MGAT5: variants seen among roughly 807,000 people sequenced by gnomAD.
The protein encoded by MGAT5 is alpha-1,6-mannosylglycoprotein 6-beta-N-acetylglucosaminyltransferase A.
In MGAT5, 30 loss-of-function variants were observed where a neutral mutation model predicts 94.3. That is an observed-to-expected ratio of 0.32 (90% CI 0.24 to 0.43). The LOEUF (loss-of-function observed/expected upper bound fraction) is 0.43. MGAT5 is among the 20% of genes least tolerant of loss of function. The probability of loss-of-function intolerance (pLI) is 1.00; values close to 1 mark genes in which losing one functional copy is unlikely to be tolerated. For missense variants in MGAT5, 691 were observed against 905.5 expected (o/e 0.76, Z 3.04); for synonymous variants, 310 against 322.9 (o/e 0.96, Z 0.43).
chr2:134,195,283 T>G (rs1679442098), intron 1 of MGAT5, among the ~76,000 whole-genome samples: 2 of 152,226 alleles, frequency 1.3e-5, no homozygotes, highest in South Asian at 4.1e-4. Flanking sequence ...CATAAACAAA[T>G]TTAATACTCC....
chr2:134,376,022 T>C (rs1036125341), intron 10 of MGAT5, among the ~76,000 whole-genome samples: 2 of 152,118 alleles, frequency 1.3e-5, no homozygotes, highest in Admixed American at 1.3e-4. Context: ...AGTAGAGCAA[T>C]GTACAGCCCT....
intron 4 of MGAT5, among the ~76,000 whole-genome samples, chr2:134,322,566 G>A (rs191781861): frequency 2.0e-5 from 3 of 152,268 alleles, no homozygotes; most frequent in Admixed American, 6.5e-5. Context: ...TTAGCTGCAC[G>A]TATGGACCCA....
At chr2:134,199,682 C>T (rs941032088) in intron 1 of MGAT5, among the ~76,000 whole-genome samples, 2 of 152,128 alleles carry the variant, frequency 1.3e-5, no homozygotes, top group Admixed American at 6.5e-5. Context: ...CTTGAATACT[C>T]ATTTTGTGGG....
At chr2:134,184,148 A>C (rs1242509889) in intron 1 of MGAT5, among the ~76,000 whole-genome samples, 2 of 152,182 alleles carry the variant, frequency 1.3e-5, no homozygotes, top group Non-Finnish European at 2.9e-5. Context: ...TGCATTTTCC[A>C]GCCTCTGATG....
chr2:134,407,726 A>T (rs2106314926), intron 11 of MGAT5, among the ~76,000 whole-genome samples: 1 of 152,358 alleles, frequency 6.6e-6, no homozygotes, highest in African/African-American at 2.4e-5. Flanking sequence ...TAACTGTAAC[A>T]ATGTGGAAAG....
At chr2:134,189,620 T>TTTTTTTTTTTTTTTTTTTTTTTTTTTA (rs67734279) in intron 1 of MGAT5, among the ~76,000 whole-genome samples, 1 of 138,282 alleles carries the variant, frequency 7.2e-6, no homozygotes, top group Non-Finnish European at 1.5e-5. Context: ...TTTTTTTTTT[T>TTTTTTTTTTTTTTTTTTTTTTTTTTTA]AAGACAGAGT....
chr2:134,218,207 C>T (rs756596588), intron 1 of MGAT5, among the ~76,000 whole-genome samples: 2 of 152,206 alleles, frequency 1.3e-5, no homozygotes, highest in Admixed American at 6.5e-5. Context: ...TGATGTATCT[C>T]GACTTGTTGC....
intron 2 of MGAT5, among the ~76,000 whole-genome samples, chr2:134,281,365 C>G (rs1168553850): frequency 1.3e-5 from 2 of 152,174 alleles, no homozygotes; most frequent in Non-Finnish European, 2.9e-5. Context: ...ATCGGAAATG[C>G]AGCTGGGTAG....
At chr2:134,440,803 C>G (rs1020003825) in intron 14 of MGAT5, among the ~76,000 whole-genome samples, 2 of 152,138 alleles carry the variant, frequency 1.3e-5, no homozygotes, top group African/African-American at 4.8e-5. Flanking sequence ...ATTTTCACTT[C>G]GCAAATGTGT....
At chr2:134,186,374 T>G (rs1573817082) in intron 1 of MGAT5, among the ~76,000 whole-genome samples, 2 of 150,344 alleles carry the variant, frequency 1.3e-5, no homozygotes, top group Admixed American at 6.6e-5. Context: ...AGCCCTGGAG[T>G]CGTTTCTTTT....
At chr2:134,323,582 G>T (rs1043554998) in intron 4 of MGAT5, among the ~76,000 whole-genome samples, 1 of 152,044 alleles carries the variant, frequency 6.6e-6, no homozygotes, top group African/African-American at 2.4e-5. Flanking sequence ...TGTTCCTGCT[G>T]TCTCCTTTAT....
At chr2:134,403,424 C>T (rs1683166332) in intron 11 of MGAT5, among the ~76,000 whole-genome samples, 1 of 152,180 alleles carries the variant, frequency 6.6e-6, no homozygotes, top group African/African-American at 2.4e-5. Flanking sequence ...AGGTAAAGCC[C>T]TGCCTGGAAG....
intron 2 of MGAT5, among the ~76,000 whole-genome samples, chr2:134,289,056 C>T (rs1685186962): frequency 6.6e-6 from 1 of 152,144 alleles, no homozygotes; most frequent in Admixed American, 6.5e-5. Context: ...TCCCTTGTCT[C>T]TAGGGCCCCA....
chr2:134,241,047 T>G (rs1005265552), intron 1 of MGAT5, among the ~76,000 whole-genome samples: 2 of 152,258 alleles, frequency 1.3e-5, no homozygotes, highest in African/African-American at 4.8e-5. Flanking sequence ...CCAGTTTTAT[T>G]AGTGTAAAGT....
intron 1 of MGAT5, among the ~76,000 whole-genome samples, chr2:134,208,746 A>G (rs1483323615): frequency 6.6e-6 from 1 of 152,256 alleles, no homozygotes; most frequent in Non-Finnish European, 1.5e-5. Flanking sequence ...TCTGAAACTT[A>G]ATATCTAGGG....
intron 12 of MGAT5, among the ~76,000 whole-genome samples, chr2:134,414,946 C>G (rs1346069769): frequency 6.6e-6 from 1 of 152,180 alleles, no homozygotes; most frequent in Non-Finnish European, 1.5e-5. Flanking sequence ...ATGTTGCCGC[C>G]AGTGATGGGA....
intron 1 of MGAT5, among the ~76,000 whole-genome samples, chr2:134,228,612 G>A (rs571895617): frequency 6.6e-6 from 1 of 152,248 alleles, no homozygotes; most frequent in South Asian, 2.1e-4. Flanking sequence ...AGTAGAGGGC[G>A]CTGGAGAAAC....
intron 1 of MGAT5, among the ~76,000 whole-genome samples, chr2:134,223,323 G>A (rs927009329): frequency 6.6e-6 from 1 of 152,158 alleles, no homozygotes; most frequent in Non-Finnish European, 1.5e-5. Flanking sequence ...GTAGAGCAGG[G>A]TAGCTCCTAT....
chr2:134,189,602 G>GTTTTTTTTTTTTTTTTTTTGTTTTTT (rs912983981), intron 1 of MGAT5, among the ~76,000 whole-genome samples: 1 of 84,672 alleles, frequency 1.2e-5, no homozygotes, highest in Non-Finnish European at 2.3e-5. Flanking sequence ...GTTTTTTTTT[G>GTTTTTTTTTTTTTTTTTTTGTTTTTT]TTTTTTTTTT....
Sources: gnomAD v4.1 joint callset for allele counts (sites outside exome capture counted in the v4.1 genomes callset) on GRCh38, gnomAD v4.1.1 for gene constraint, MANE v1.5 for transcripts, NCBI Gene and HGNC (gene_info 2026-07-23, HGNC 2026-07-21) for gene names.